The following PTPRT variants were observed in gnomAD, a reference collection of about 807,000 sequenced individuals.
PTPRT encodes protein tyrosine phosphatase receptor type T.
PTPRT carries 56 observed loss-of-function variants against 176.8 expected under a neutral mutation model. The ratio of observed to expected loss-of-function variants is 0.32; its 90% CI spans 0.26 to 0.40. The LOEUF (loss-of-function observed/expected upper bound fraction) is 0.40. Among genes scored for constraint, PTPRT ranks in the 10% least tolerant of loss-of-function variants. The pLI is 1.00. For missense variants in PTPRT, 1,540 were observed against 1,908.2 expected (o/e 0.81, Z 3.60); for synonymous variants, 783 against 739.0 (o/e 1.06, Z -0.96).
intron 7 of PTPRT, among the ~76,000 whole-genome samples, chr20:42,537,717 T>C (rs979151839): frequency 2.0e-5 from 3 of 152,186 alleles, no homozygotes; most frequent in African/African-American, 4.8e-5. Flanking sequence ...GGAGACAGGA[T>C]AGACGTGCTC....
At chr20:43,091,477 CTCTCTCTCTCTCTATT>C (rs1329235035) in intron 1 of PTPRT, among the ~76,000 whole-genome samples, 4 of 146,858 alleles carry the variant, frequency 2.7e-5, no homozygotes, top group African/African-American at 1.0e-4. Flanking sequence ...CTCTTTCTCT[CTCTCTCTCTCTCTATT>C]TCTCTCTCTC....
At chr20:42,691,807 G>A (rs753730317) in intron 6 of PTPRT, among the ~76,000 whole-genome samples, 2 of 152,130 alleles carry the variant, frequency 1.3e-5, no homozygotes, top group African/African-American at 4.8e-5. Flanking sequence ...CCAGATGGAC[G>A]CTGGGCTCCA....
intron 11 of PTPRT, among the ~76,000 whole-genome samples, chr20:42,318,512 T>G (rs2057752994): frequency 6.6e-6 from 1 of 152,152 alleles, no homozygotes; most frequent in Non-Finnish European, 1.5e-5. Context: ...CAAAAGAGCT[T>G]CATGAAGCAG....
At chr20:42,413,368 AAAGT>A (rs2059035045) in intron 9 of PTPRT, among the ~76,000 whole-genome samples, 1 of 152,216 alleles carries the variant, frequency 6.6e-6, no homozygotes. Context: ...CTTTAAGAAA[AAAGT>A]AATTCCTATA....
intron 7 of PTPRT, among the ~76,000 whole-genome samples, chr20:42,659,430 A>T (rs575932993): frequency 6.6e-6 from 1 of 152,342 alleles, no homozygotes; most frequent in East Asian, 1.9e-4. Flanking sequence ...GAATACCGTT[A>T]CCTTGATAGC....
chr20:43,183,061 T>C (rs1262108452), intron 1 of PTPRT, among the ~76,000 whole-genome samples: 1 of 152,228 alleles, frequency 6.6e-6, no homozygotes, highest in East Asian at 1.9e-4. Flanking sequence ...AGAAAGGCTG[T>C]TTCAATTTTC....
At chr20:42,627,137 G>A (rs6030378) in intron 7 of PTPRT, among the ~76,000 whole-genome samples, 59,655 of 151,862 alleles carry the variant, frequency 0.39, 14,163 homozygotes, top group African/African-American at 0.67. Flanking sequence ...CAGATTTTTG[G>A]TACGATTTTA....
rs138820777 is a variant in PTPRT at position 42,601,678 on chromosome 20, C to T, written c.1153+76188G>A. Among the ~76,000 whole-genome samples, 979 of 152,180 alleles carry T rather than the reference C, an allele frequency of 6.4e-3. 5 individuals are homozygous for T. The highest frequency in any genetic ancestry group is 0.01 in the Non-Finnish European group (690 of 67,990). ...TTTTTCTCCAGTGCCTAGTTTGGGA[C>T]GCAGCACAACAAATCAATAAATCAA... On this transcript the variant is annotated intron_variant, in intron 7 of 30. Transcript: ENST00000373187.
the PTPRT span, among the ~76,000 whole-genome samples, chr20:42,053,513 C>T: frequency 6.6e-5 from 10 of 152,194 alleles, no homozygotes; most frequent in Non-Finnish European, 1.3e-4. Context: ...CATTTCTCAC[C>T]TCATTAGTTT....
chr20:42,603,911 C>T (rs2073828168), intron 7 of PTPRT, among the ~76,000 whole-genome samples: 2 of 152,182 alleles, frequency 1.3e-5, no homozygotes, highest in African/African-American at 2.4e-5. Flanking sequence ...CAACCTGGGG[C>T]TCCCTTAGAA....
At chr20:43,125,166 T>A in intron 1 of PTPRT, among the ~76,000 whole-genome samples, 1 of 151,442 alleles carries the variant, frequency 6.6e-6, no homozygotes, top group East Asian at 1.9e-4. Flanking sequence ...TAGCTGATTT[T>A]TTTTTTTTTT....
intron 7 of PTPRT, among the ~76,000 whole-genome samples, chr20:42,673,704 T>C (rs137878406): frequency 2.0e-5 from 3 of 152,234 alleles, no homozygotes; most frequent in African/African-American, 7.2e-5. Context: ...GATGACATAA[T>C]TAGTACCCAA....
intron 1 of PTPRT, among the ~76,000 whole-genome samples, chr20:42,996,535 T>C (rs1984233040): frequency 6.6e-6 from 1 of 152,192 alleles, no homozygotes; most frequent in African/African-American, 2.4e-5. Context: ...TATGCAAGGT[T>C]GGATCCACTT....
chr20:42,862,112 T>G (rs1568642692), intron 2 of PTPRT, among the ~76,000 whole-genome samples: 1 of 151,880 alleles, frequency 6.6e-6, no homozygotes, highest in Non-Finnish European at 1.5e-5. Context: ...CATTTTACCC[T>G]TTTTTTTGGT....
intron 7 of PTPRT, among the ~76,000 whole-genome samples, chr20:42,594,197 G>C (rs1409515262): frequency 1.3e-5 from 2 of 152,244 alleles, no homozygotes; most frequent in African/African-American, 4.8e-5. Context: ...TAAGAACAAG[G>C]AGTTCTAAGA....
chr20:42,978,086 G>A (rs915472954), intron 1 of PTPRT, among the ~76,000 whole-genome samples: 3 of 151,254 alleles, frequency 2.0e-5, no homozygotes, highest in Non-Finnish European at 4.4e-5. Context: ...TCCTAAACAA[G>A]ATCTCCAGTG....
rs1290539082 is a variant in PTPRT at position 42,350,807 on chromosome 20, C to G, written c.1763-77G>C. 16 of 1,052,390 alleles carry G rather than the reference C, an allele frequency of 1.5e-5. No homozygotes were observed. In the Admixed American group the frequency reaches 2.7e-4, roughly 18 times the overall value. 65.2% of individuals were successfully genotyped at this position (1,052,390 alleles called of 1,614,324 possible). On this transcript the variant is annotated intron_variant, in intron 10 of 30. Coordinates refer to ENST00000373187, the MANE Select transcript of PTPRT (RefSeq NM_007050.6). ...CTCCCCACCGCCCCTTGCTGCCATC[C>G]TTAAAGACACAGCATGGATAGAGGG...
chr20:43,106,430 G>T lies in PTPRT; in HGVS notation c.88+83216C>A, dbSNP rs562646092. ...GCCAGCACTTTGGGAGGCCAAGGTG[G>T]GTGGAGCACCTGAGGTCAGGAGTTC... On this transcript the variant is annotated intron_variant, in intron 1 of 30. Transcript: ENST00000373187. 2.6e-5 allele frequency among the ~76,000 whole-genome samples: 4 copies of T among 152,242 alleles called. No individual in the cohort carries two copies. In the East Asian group the frequency reaches 7.8e-4, roughly 30 times the overall value.
intron 9 of PTPRT, among the ~76,000 whole-genome samples, chr20:42,377,284 G>A (rs1016517292): frequency 6.6e-6 from 1 of 152,084 alleles, no homozygotes; most frequent in African/African-American, 2.4e-5. Flanking sequence ...CAGGGTACAT[G>A]CTAACTCCAG....
Sources: allele counts gnomAD v4.1 joint callset (sites outside exome capture counted in the v4.1 genomes callset), GRCh38; gene constraint gnomAD v4.1.1; transcripts MANE v1.5; gene names NCBI Gene and HGNC (gene_info 2026-07-23, HGNC 2026-07-21).